Variants in CAMK1D observed in about 807,000 individuals in gnomAD.
The protein encoded by CAMK1D is calcium/calmodulin-dependent protein kinase type 1D.
In CAMK1D, 9 loss-of-function variants were observed where a neutral mutation model predicts 47.7. The ratio of observed to expected loss-of-function variants is 0.19; its 90% CI spans 0.11 to 0.33. The LOEUF (loss-of-function observed/expected upper bound fraction) is 0.33. Ranked by LOEUF, CAMK1D falls within the 10% of genes least tolerant of loss-of-function variation. CAMK1D has a pLI of 1.00. For missense variants in CAMK1D, 291 were observed against 488.7 expected, an observed-to-expected ratio of 0.60 and a Z score of 3.81; for synonymous variants, 184 against 184.9, an observed-to-expected ratio of 0.99 and a Z score of 0.04.
intron 5 of CAMK1D, among the ~76,000 whole-genome samples, chr10:12,790,617 A>G (rs1837939417): frequency 6.6e-6 from 1 of 150,746 alleles, no homozygotes; most frequent in Non-Finnish European, 1.5e-5. Context: ...ACACACGCAC[A>G]CACACACTCA....
chr10:12,387,416 TTTTA>T (rs1838550073), intron 1 of CAMK1D, among the ~76,000 whole-genome samples: 3 of 37,084 alleles, frequency 8.1e-5, no homozygotes, highest in Admixed American at 4.3e-4. Flanking sequence ...ATTATATATA[TTTTA>T]TATATTTTAT....
At chr10:12,430,840 T>G (rs10795955) in intron 1 of CAMK1D, among the ~76,000 whole-genome samples, 1 of 151,922 alleles carries the variant, frequency 6.6e-6, no homozygotes, top group Non-Finnish European at 1.5e-5. Context: ...AACCTCTGCC[T>G]CCTGTGTTTA....
At chr10:12,544,916 G>A (rs997117403) in intron 1 of CAMK1D, among the ~76,000 whole-genome samples, 12 of 152,114 alleles carry the variant, frequency 7.9e-5, no homozygotes, top group African/African-American at 2.2e-4. Context: ...AGTGTTGAGC[G>A]GAAGGTCATT....
chr10:12,588,866 ATGTGTG>A (rs61703961), intron 2 of CAMK1D, among the ~76,000 whole-genome samples: 7 of 144,284 alleles, frequency 4.9e-5, no homozygotes, highest in South Asian at 2.1e-4. Flanking sequence ...ATATGTATAT[ATGTGTG>A]TGTGTGTGTG....
chr10:12,740,531 G>C (rs1004922731), intron 3 of CAMK1D, among the ~76,000 whole-genome samples: 15 of 152,190 alleles, frequency 9.9e-5, no homozygotes, highest in African/African-American at 2.2e-4. Context: ...CTGGGAGGTG[G>C]AGATTACAGT....
At chr10:12,524,534 C>G (rs551838264) in intron 1 of CAMK1D, among the ~76,000 whole-genome samples, 1 of 151,800 alleles carries the variant, frequency 6.6e-6, no homozygotes, top group Admixed American at 6.6e-5. Context: ...GGTGAAAACC[C>G]GTCTCTACTA....
intron 6 of CAMK1D, among the ~76,000 whole-genome samples, chr10:12,813,741 A>ATTTTCT (rs1475025559): frequency 1.3e-5 from 2 of 151,486 alleles, no homozygotes; most frequent in Non-Finnish European, 1.5e-5. Context: ...CGCGGTACAG[A>ATTTTCT]TTTTCTTTTT....
chr10:12,373,492 C>T (rs927745146), intron 1 of CAMK1D, among the ~76,000 whole-genome samples: 6 of 150,832 alleles, frequency 4.0e-5, no homozygotes, highest in South Asian at 2.1e-4. Context: ...ATTAGCCAGG[C>T]GTAGTGGTGG....
rs542216236 is a variant in CAMK1D at position 12,554,283 on chromosome 10, G to A, written c.224+927G>A. Among the ~76,000 whole-genome samples, 2 of 79,036 alleles carry A rather than the reference G, an allele frequency of 2.5e-5. 1 individual carries two copies. The highest frequency in any genetic ancestry group is 7.1e-5 in the Non-Finnish European group (2 of 28,082). 51.9% of individuals were successfully genotyped at this position (79,036 alleles called of 152,430 possible). On this transcript the variant is annotated intron_variant, in intron 2 of 10. Coordinates refer to ENST00000619168, the MANE Select transcript of CAMK1D (RefSeq NM_153498.4). Reference sequence around the variant, plus strand: ...AGCGATTCTCCCGCCTCAGCCTCCCGAAGCTGGGATTACAGGCATCTGCCA... The same window carrying A: ...AGCGATTCTCCCGCCTCAGCCTCCCAAAGCTGGGATTACAGGCATCTGCCA...
At chr10:12,461,952 G>T (rs552975074) in intron 1 of CAMK1D, among the ~76,000 whole-genome samples, 3 of 150,872 alleles carry the variant, frequency 2.0e-5, no homozygotes, top group African/African-American at 7.3e-5. Flanking sequence ...CGCTTCTCTC[G>T]GATCCACTTC....
At chr10:12,412,623 CAAA>C (rs1193655289) in intron 1 of CAMK1D, among the ~76,000 whole-genome samples, 5 of 25,612 alleles carry the variant, frequency 2.0e-4, no homozygotes, top group African/African-American at 6.4e-4. Flanking sequence ...GACGCCATCT[CAAA>C]AAAAAAAAAA....
intron 1 of CAMK1D, among the ~76,000 whole-genome samples, chr10:12,398,650 A>C (rs184550077): frequency 8.9e-4 from 136 of 152,146 alleles, no homozygotes; most frequent in African/African-American, 3.1e-3. Context: ...TGCCCAGCCC[A>C]AAAGTTGTTG....
intron 2 of CAMK1D, among the ~76,000 whole-genome samples, chr10:12,556,814 G>C (rs1014929299): frequency 6.6e-6 from 1 of 152,220 alleles, no homozygotes; most frequent in Non-Finnish European, 1.5e-5. Flanking sequence ...GCAGAACTGA[G>C]AAGAATGGAC....
intron 1 of CAMK1D, among the ~76,000 whole-genome samples, chr10:12,380,593 C>T (rs1047475610): frequency 6.6e-6 from 1 of 152,354 alleles, no homozygotes; most frequent in East Asian, 1.9e-4. Context: ...CGCAGTGGCT[C>T]ATGCCTGTAA....
intron 2 of CAMK1D, among the ~76,000 whole-genome samples, chr10:12,567,707 T>C (rs1216214074): frequency 1.3e-5 from 2 of 152,198 alleles, no homozygotes; most frequent in Non-Finnish European, 2.9e-5. Flanking sequence ...CCAGATTTGC[T>C]GCCTGTGAAC....
chr10:12,352,429 T>A (rs7076060), intron 1 of CAMK1D, among the ~76,000 whole-genome samples: 2 of 151,896 alleles, frequency 1.3e-5, no homozygotes, highest in Non-Finnish European at 2.9e-5. Context: ...GCCAACATGG[T>A]GAAACCCTGT....
chr10:12,794,562 T>G (rs1336185115), intron 6 of CAMK1D, among the ~76,000 whole-genome samples: 1 of 152,164 alleles, frequency 6.6e-6, no homozygotes, highest in Non-Finnish European at 1.5e-5. Flanking sequence ...AATGTAGTAT[T>G]AAGCAAAGAC....
intron 1 of CAMK1D, among the ~76,000 whole-genome samples, chr10:12,486,305 C>A (rs1834213527): frequency 6.6e-6 from 1 of 152,022 alleles, no homozygotes; most frequent in African/African-American, 2.4e-5. Context: ...ACTACAGGTG[C>A]CCACCACCAC....
At chr10:12,480,179 G>A (rs1241879452) in intron 1 of CAMK1D, among the ~76,000 whole-genome samples, 1 of 152,136 alleles carries the variant, frequency 6.6e-6, no homozygotes, top group Non-Finnish European at 1.5e-5. Flanking sequence ...GCCGGGCTCG[G>A]TGGCTCACAC....
Sources: gnomAD v4.1 joint callset for allele counts (sites outside exome capture counted in the v4.1 genomes callset) on GRCh38, gnomAD v4.1.1 for gene constraint, MANE v1.5 for transcripts, NCBI Gene and HGNC (gene_info 2026-07-23, HGNC 2026-07-21) for gene names.